The following TMEM232 variants were observed in gnomAD, a reference collection of about 807,000 sequenced individuals.
TMEM232 encodes transmembrane protein 232.
A neutral mutation model predicts 78.8 loss-of-function variants in TMEM232; 80 were observed. That is an observed-to-expected ratio of 1.01 (90% CI 0.85 to 1.22). The LOEUF is 1.22. Ranked by LOEUF, TMEM232 falls within the 50% of genes most tolerant of loss-of-function variation. The pLI, the probability that TMEM232 is intolerant of heterozygous loss-of-function variation, is 0.00. For missense variants in TMEM232, 881 were observed against 742.2 expected, an observed-to-expected ratio of 1.19 and a Z score of -2.17; for synonymous variants, 297 against 254.3, an observed-to-expected ratio of 1.17 and a Z score of -1.60.
intron 2 of TMEM232, among the ~76,000 whole-genome samples, chr5:110,649,759 T>C (rs1309912661): frequency 6.6e-6 from 1 of 152,130 alleles, no homozygotes; most frequent in Non-Finnish European, 1.5e-5. Flanking sequence ...TTCTGTGGCA[T>C]GCATTTTTAT....
At chr5:110,454,169 T>C (rs968210960) in intron 12 of TMEM232, among the ~76,000 whole-genome samples, 2 of 152,210 alleles carry the variant, frequency 1.3e-5, no homozygotes, top group African/African-American at 4.8e-5. Flanking sequence ...GTAATTAACA[T>C]GTATAGAATA....
chr5:110,428,418 T>A (rs115431349), intron 12 of TMEM232, among the ~76,000 whole-genome samples: 1 of 151,898 alleles, frequency 6.6e-6, no homozygotes, highest in African/African-American at 2.4e-5. Context: ...GGTAGTTTTA[T>A]AACACAGGAA....
chr5:110,738,215 T>C (rs1561592966), upstream of TMEM232: 1 of 1,287,124 alleles, frequency 7.8e-7, no homozygotes, highest in Admixed American at 2.3e-5. Flanking sequence ...GGAGGGAGCC[T>C]GGCCCAAGAG....
At position 110,723,144 on chromosome 5, in the gene TMEM232, C is replaced by T. The variant is rs537618546; in HGVS notation, c.-13+3483G>A. Among the ~76,000 whole-genome samples, 6 of 152,218 alleles carry T rather than the reference C, an allele frequency of 3.9e-5. No homozygotes were observed. The South Asian group carries it at 1.0e-3, about 26-fold the overall frequency. ...CCAGTGAACCTATCTGGGCCTGGTACTTTCTGTTTTGGAAGGCTATTAATT... is the reference window on the plus strand; with the variant it reads ...CCAGTGAACCTATCTGGGCCTGGTATTTTCTGTTTTGGAAGGCTATTAATT... On this transcript the variant is annotated intron_variant, in intron 1 of 13. Coordinates refer to ENST00000455884, the MANE Select transcript of TMEM232 (RefSeq NM_001039763.4).
At chr5:110,473,890 CAAAAAAA>C (rs61351197) in intron 12 of TMEM232, among the ~76,000 whole-genome samples, 2 of 14,222 alleles carry the variant, frequency 1.4e-4, no homozygotes, top group Non-Finnish European at 2.9e-4. Context: ...AGCCAGACAC[CAAAAAAA>C]AAAAAAAAAA....
chr5:110,547,733 C>T (rs755358166), intron 11 of TMEM232, among the ~76,000 whole-genome samples: 74 of 152,150 alleles, frequency 4.9e-4, no homozygotes, highest in South Asian at 1.2e-3. Flanking sequence ...CACGATGGCT[C>T]ACACCTGTAA....
At chr5:110,520,996 C>T (rs1049311209) in intron 12 of TMEM232, among the ~76,000 whole-genome samples, 2 of 151,736 alleles carry the variant, frequency 1.3e-5, no homozygotes, top group Admixed American at 6.6e-5. Flanking sequence ...CTGGGGATTG[C>T]TAATCTACAC....
chr5:110,673,851 A>C (rs2150154367), intron 1 of TMEM232, among the ~76,000 whole-genome samples: 1 of 152,244 alleles, frequency 6.6e-6, no homozygotes, highest in African/African-American at 2.4e-5. Context: ...TAACCCTTTA[A>C]TTCAGATTGT....
At chr5:110,633,471 T>C (rs1382908033) in intron 5 of TMEM232, among the ~76,000 whole-genome samples, 1 of 152,092 alleles carries the variant, frequency 6.6e-6, no homozygotes, top group East Asian at 1.9e-4. Flanking sequence ...TCATCTCAAA[T>C]TGTAATCTCT....
intron 12 of TMEM232, among the ~76,000 whole-genome samples, chr5:110,433,630 G>T (rs181143838): frequency 6.6e-6 from 1 of 151,948 alleles, no homozygotes; most frequent in Non-Finnish European, 1.5e-5. Context: ...TATGTTTTAG[G>T]TTTTGAAGGA....
chr5:110,654,590 C>T, intron 2 of TMEM232, among the ~76,000 whole-genome samples: 1 of 152,144 alleles, frequency 6.6e-6, no homozygotes, highest in Non-Finnish European at 1.5e-5. Context: ...GTGATGCCTC[C>T]AGCTTTGTTC....
intron 12 of TMEM232, among the ~76,000 whole-genome samples, chr5:110,465,262 C>A (rs1358160338): frequency 6.6e-6 from 1 of 152,210 alleles, no homozygotes; most frequent in Non-Finnish European, 1.5e-5. Context: ...AGAGCTGAGG[C>A]TATGTCCAGC....
intron 12 of TMEM232, among the ~76,000 whole-genome samples, chr5:110,461,275 T>TTTAA (rs1176335650): frequency 2.0e-5 from 3 of 151,776 alleles, no homozygotes; most frequent in African/African-American, 7.3e-5. Flanking sequence ...AGTAAAACAA[T>TTTAA]TTAATTGCTG....
At chr5:110,659,559 T>C (rs1789524765) in intron 2 of TMEM232, among the ~76,000 whole-genome samples, 1 of 151,914 alleles carries the variant, frequency 6.6e-6, no homozygotes, top group Non-Finnish European at 1.5e-5. Flanking sequence ...CAAAGGAAAA[T>C]GAGTAATGAC....
intron 12 of TMEM232, among the ~76,000 whole-genome samples, chr5:110,444,458 T>A (rs1426779018): frequency 6.6e-6 from 1 of 152,168 alleles, no homozygotes; most frequent in Non-Finnish European, 1.5e-5. Context: ...AGGGATGCTG[T>A]CAGCAATTCA....
intron 1 of TMEM232, among the ~76,000 whole-genome samples, chr5:110,693,395 G>A (rs1794373912): frequency 6.6e-6 from 1 of 152,298 alleles, no homozygotes; most frequent in Non-Finnish European, 1.5e-5. Context: ...AAATCAGAGT[G>A]CCTCTCCTCC....
chr5:110,508,919 T>C (rs1388996485), intron 12 of TMEM232, among the ~76,000 whole-genome samples: 1 of 141,022 alleles, frequency 7.1e-6, no homozygotes, highest in Non-Finnish European at 1.5e-5. Flanking sequence ...TATATATATG[T>C]ATATATATAA....
Position 110,608,457 on chromosome 5 carries a change from A to G in TMEM232, c.903-2170T>C, listed in dbSNP as rs181933343. On this transcript the variant is annotated intron_variant, in intron 8 of 13. Coordinates refer to ENST00000455884, the MANE Select transcript of TMEM232 (RefSeq NM_001039763.4). The stretch of plus-strand genomic sequence containing the variant: ...TCATTTATACTTCATATTACGGTCA[A>G]TTAAAAGAGAGGATACTCATAGAGT... Among the ~76,000 whole-genome samples the G allele has an allele frequency of 7.1e-3, 1,078 of 151,246 alleles. 6 individuals carry two copies. Among genetic ancestry groups the G allele is most frequent in the Middle Eastern group, 0.034 (10 of 294 alleles).
chr5:110,602,505 G>T (rs1437952221), intron 10 of TMEM232, among the ~76,000 whole-genome samples: 1 of 151,842 alleles, frequency 6.6e-6, no homozygotes, highest in Non-Finnish European at 1.5e-5. Context: ...CTATTTAAAA[G>T]AAAACATTTA....
Sources: allele counts gnomAD v4.1 joint callset (sites outside exome capture counted in the v4.1 genomes callset), GRCh38; gene constraint gnomAD v4.1.1; transcripts MANE v1.5; gene names NCBI Gene and HGNC (gene_info 2026-07-23, HGNC 2026-07-21).